Variants in SYT9 observed in about 807,000 individuals in gnomAD.
The protein encoded by SYT9 is synaptotagmin-9.
A neutral mutation model predicts 48.4 loss-of-function variants in SYT9; 22 were observed. That is an observed-to-expected ratio of 0.45 (90% CI 0.32 to 0.65). SYT9 has a LOEUF of 0.65. SYT9 is among the 30% of genes least tolerant of loss of function. The probability of loss-of-function intolerance (pLI) is 0.03; values close to 1 mark genes in which losing one functional copy is unlikely to be tolerated. For synonymous variants in SYT9, 265 were observed against 245.0 expected, an observed-to-expected ratio of 1.08 and a Z score of -0.76; for missense variants, 577 against 622.0, an observed-to-expected ratio of 0.93 and a Z score of 0.77.
chr11:7,250,453 C>A (rs1197801972), upstream of SYT9, among the ~76,000 whole-genome samples: 4 of 97,464 alleles, frequency 4.1e-5, no homozygotes, highest in East Asian at 2.5e-4. Context: ...CCCCCGCCAC[C>A]CCCCCCCAGC....
chr11:7,395,302 GAGA>G (rs1379810504), intron 3 of SYT9, among the ~76,000 whole-genome samples: 5 of 152,162 alleles, frequency 3.3e-5, no homozygotes, highest in African/African-American at 1.2e-4. Flanking sequence ...GTGTGCAGAT[GAGA>G]AGAATGTACA....
At chr11:7,271,793 G>T (rs1482374257) in intron 1 of SYT9, among the ~76,000 whole-genome samples, 2 of 152,092 alleles carry the variant, frequency 1.3e-5, no homozygotes. Flanking sequence ...AGCCAGGAGG[G>T]TCTCAATCTC....
At chr11:7,330,942 G>A (rs1262686532) in intron 3 of SYT9, among the ~76,000 whole-genome samples, 1 of 151,828 alleles carries the variant, frequency 6.6e-6, no homozygotes, top group Non-Finnish European at 1.5e-5. Flanking sequence ...AGCAATACAG[G>A]TGTCCACCAC....
At chr11:7,351,641 G>T (rs913658048) in intron 3 of SYT9, among the ~76,000 whole-genome samples, 3 of 152,176 alleles carry the variant, frequency 2.0e-5, no homozygotes, top group East Asian at 1.9e-4. Flanking sequence ...CATCCTCATC[G>T]ATTCTGAAGA....
At chr11:7,283,822 T>C (rs1002711589) in intron 1 of SYT9, among the ~76,000 whole-genome samples, 2 of 152,180 alleles carry the variant, frequency 1.3e-5, no homozygotes, top group Admixed American at 1.3e-4. Context: ...TGACACTTGT[T>C]AGGAACTCGA....
chr11:7,268,343 A>G (rs1164981406), intron 1 of SYT9, among the ~76,000 whole-genome samples: 1 of 151,986 alleles, frequency 6.6e-6, no homozygotes, highest in Admixed American at 6.6e-5. Context: ...AACAATTCAT[A>G]TACTGTAAAA....
intron 1 of SYT9, among the ~76,000 whole-genome samples, chr11:7,283,875 T>TA (rs958038959): frequency 1.3e-5 from 2 of 152,164 alleles, no homozygotes; most frequent in Non-Finnish European, 2.9e-5. Context: ...TGTAATTTTG[T>TA]AAAAAAATTA....
At chr11:7,245,835 G>C (rs1847785169) in intron 1 of SYT9, among the ~76,000 whole-genome samples, 1 of 152,162 alleles carries the variant, frequency 6.6e-6, no homozygotes, top group African/African-American at 2.4e-5. Context: ...CTGTTAAAAT[G>C]GCAATTAAAT....
chr11:7,304,186 G>T (rs1848993914), intron 2 of SYT9, among the ~76,000 whole-genome samples: 1 of 152,216 alleles, frequency 6.6e-6, no homozygotes, highest in South Asian at 2.1e-4. Flanking sequence ...ATGAAATGAT[G>T]ACATGTGCTT....
At chr11:7,409,388 A>T (rs1237029252) in intron 3 of SYT9, among the ~76,000 whole-genome samples, 1 of 152,114 alleles carries the variant, frequency 6.6e-6, no homozygotes, top group African/African-American at 2.4e-5. Flanking sequence ...GTCTCATATA[A>T]TGACTTGAGG....
Position 7,337,781 on chromosome 11 carries a change from G to T in SYT9, c.1044+23840G>T, listed in dbSNP as rs934027157. ...TTTGGTTTGCTAGCATTTTGTTGAG[G>T]ATTTTTGCATCAGTGTTCATCAAGG... On this transcript the variant is annotated intron_variant, in intron 3 of 6. Transcript: ENST00000318881. 5.3e-5 allele frequency among the ~76,000 whole-genome samples: 8 copies of T among 152,054 alleles called. 1 individual carries two copies. Among genetic ancestry groups the T allele is most frequent in the African/African-American group, 1.9e-4 (8 of 41,400 alleles).
chr11:7,372,347 A>G (rs545631277), intron 3 of SYT9, among the ~76,000 whole-genome samples: 3 of 152,158 alleles, frequency 2.0e-5, no homozygotes, highest in South Asian at 2.1e-4. Context: ...TAGATCTCAC[A>G]TGTCACCCAG....
chr11:7,365,299 AG>A (rs551929309), intron 3 of SYT9, among the ~76,000 whole-genome samples: 15 of 152,216 alleles, frequency 9.9e-5, no homozygotes, highest in Non-Finnish European at 2.1e-4. Flanking sequence ...ATGGAATAAA[AG>A]ATGTATTCCC....
chr11:7,388,757 G>A (rs1241092358), intron 3 of SYT9, among the ~76,000 whole-genome samples: 1 of 152,052 alleles, frequency 6.6e-6, no homozygotes, highest in South Asian at 2.1e-4. Flanking sequence ...ATTTTCAAAT[G>A]TATGGAAACA....
intron 1 of SYT9, among the ~76,000 whole-genome samples, chr11:7,239,682 G>C (rs559338578): frequency 6.6e-6 from 1 of 152,142 alleles, no homozygotes; most frequent in Non-Finnish European, 1.5e-5. Context: ...AGAGGGTGAT[G>C]GTGGTTCGTA....
intron 3 of SYT9, among the ~76,000 whole-genome samples, chr11:7,403,120 A>C (rs780021788): frequency 9.9e-5 from 15 of 152,202 alleles, no homozygotes; most frequent in Non-Finnish European, 1.8e-4. Flanking sequence ...GTCCTTGTCA[A>C]ATAGATATTT....
In SYT9 at chr11:7,416,062, G is replaced by C; in HGVS notation, c.1065G>C (p.Glu355Asp). The C allele has an allele frequency of 6.2e-7, 1 of 1,614,184 alleles. No homozygotes were observed. Among genetic ancestry groups the C allele is most frequent in the Non-Finnish European group, 8.5e-7 (1 of 1,180,030 alleles). The change falls in exon 4 of 7, where the codon GAG (glutamate) becomes GAC (aspartate). Residue 355 changes from glutamate (E) to aspartate (D), a missense_variant. By Grantham distance (45) the Glu-to-Asp change is conservative (BLOSUM62 2). Transcript: ENST00000318881. ...AACAGGACAACGTGGATCTGGGAGAGCTGATGTTTTCCCTGTGCTATCTTC... is the reference window on the plus strand; with the variant it reads ...AACAGGACAACGTGGATCTGGGAGACCTGATGTTTTCCCTGTGCTATCTTC... Reference protein sequence around the residue: ...YVTNDNVDLGELMFSLCYLPT... With the variant: ...YVTNDNVDLGDLMFSLCYLPT...
intron 1 of SYT9, among the ~76,000 whole-genome samples, chr11:7,290,545 G>A (rs10839759): frequency 6.6e-6 from 1 of 151,942 alleles, no homozygotes; most frequent in East Asian, 1.9e-4. Context: ...TAATCTTAAT[G>A]CCTATTGTAT....
intron 1 of SYT9, among the ~76,000 whole-genome samples, chr11:7,258,900 T>G (rs541402404): frequency 6.6e-6 from 1 of 152,262 alleles, no homozygotes; most frequent in African/African-American, 2.4e-5. Context: ...TTATTACCTC[T>G]TATTAGCTGT....
Sources: gnomAD v4.1 joint callset for allele counts (sites outside exome capture counted in the v4.1 genomes callset) on GRCh38, gnomAD v4.1.1 for gene constraint, MANE v1.5 for transcripts, NCBI Gene and HGNC (gene_info 2026-07-23, HGNC 2026-07-21) for gene names.